CEP290: variants seen among roughly 807,000 people sequenced by gnomAD.
CEP290 encodes the protein centrosomal protein 290.
Under a neutral mutation model 344.9 loss-of-function variants are expected in CEP290, and 317 were observed. The ratio of observed to expected loss-of-function variants is 0.92; its 90% confidence interval spans 0.84 to 1.01. The LOEUF is 1.01. Ranked by LOEUF, CEP290 falls within the 50% of genes least tolerant of loss-of-function variation. CEP290 has a pLI of 0.00. For missense variants in CEP290, 2,754 were observed against 2,761.4 expected (o/e 1.00, Z 0.06); for synonymous variants, 932 against 895.8 (o/e 1.04, Z -0.72).
At position 88,071,946 on chromosome 12, in the gene CEP290, G is replaced by A. The variant is rs2035410391; in HGVS notation, c.5710-20C>T. 2 of 1,542,350 alleles carry A rather than the reference G, an allele frequency of 1.3e-6. No individual in the cohort carries two copies. The highest frequency in any genetic ancestry group is 1.3e-5 in the South Asian group (1 of 77,684). ...AGCATTCTGTAACAATAACGAAGGA[G>A]GTAGGAAAATTACCAGTGTTATTTT... On this transcript the variant is annotated intron_variant, in intron 41 of 53. Coordinates refer to ENST00000552810, the MANE Select transcript of CEP290 (RefSeq NM_025114.4).
At position 88,049,192 on chromosome 12, in the gene CEP290, T is replaced by G. The variant is rs564319952; in HGVS notation, c.7432A>C (p.Ile2478Leu). The change falls in exon 54 of 54, where the codon ATT (isoleucine) becomes CTT (leucine). Residue 2478 changes from isoleucine to leucine, a missense_variant. Coordinates refer to ENST00000552810, the MANE Select transcript of CEP290 (RefSeq NM_025114.4). ...AAGTTTATAGGTGACCTTTAGTAAA[T>G]GGGGAAATTAACAGGACTTTCTTCT... Reference protein sequence around the residue: ...DEEESPVNFPIY With the variant: ...DEEESPVNFPLY 3.8e-6 allele frequency: 6 copies of G among 1,583,454 alleles called. No homozygotes were observed. The African/African-American group carries it at 8.1e-5, about 22-fold the overall frequency.
rs756421436 is a variant in CEP290 at position 88,115,558 on chromosome 12, CTA to C, written c.1825-378_1825-377del. On this transcript the variant is annotated intron_variant, in intron 18 of 53. Transcript: ENST00000552810. ...GCTTCTTTGATCAAGAATTCCTGTGCTATGATTTCATTCTAAAGAAAAATTTA... is the reference window on the plus strand; with the variant it reads ...GCTTCTTTGATCAAGAATTCCTGTGCTGATTTCATTCTAAAGAAAAATTTA... 8 of 1,290,220 alleles carry C rather than the reference CTA, an allele frequency of 6.2e-6. No homozygotes were observed. In the South Asian group the frequency reaches 9.9e-5, roughly 16 times the overall value. The allele number at this position is 1,290,220 out of a possible 1,614,324, so 79.9% of individuals were successfully genotyped here. A position where few individuals can be genotyped will look rare whatever the true frequency, so the allele number is the denominator to read the frequency against.
At chr12:88,103,210 C>A (rs2038030602) in intron 25 of CEP290, 199 bp from the exon 26 acceptor site, 1 of 343,776 alleles carries the variant, frequency 2.9e-6, no homozygotes, top group Non-Finnish European at 5.2e-6. Context: ...AAATCTTAAT[C>A]ATAATAAAAA....
intron 6 of CEP290, among the ~76,000 whole-genome samples, chr12:88,132,142 A>G (rs1404702974): frequency 6.6e-6 from 1 of 152,212 alleles, no homozygotes; most frequent in African/African-American, 2.4e-5. Flanking sequence ...TCTCTTATCT[A>G]CATATAAGTG....
intron 17 of CEP290, 104 bp from the exon 18 acceptor site, chr12:88,117,249 G>A (rs912078028): frequency 5.1e-6 from 3 of 593,624 alleles, no homozygotes; most frequent in Non-Finnish European, 8.6e-6. Flanking sequence ...TGCAAAGGTA[G>A]AATAATTGTT....
chr12:88,091,885 C>G (rs1253981390), intron 29 of CEP290, among the ~76,000 whole-genome samples: 2 of 152,056 alleles, frequency 1.3e-5, no homozygotes, highest in East Asian at 3.9e-4. Context: ...CAGCATATAG[C>G]TGGCACACGG....
chr12:88,071,675 T>TA, intron 42 of CEP290, 106 bp downstream of exon 42: 1 of 967,850 alleles, frequency 1.0e-6, no homozygotes, highest in Non-Finnish European at 1.5e-6. Context: ...AATGATCATT[T>TA]AAACTAGACC....
chr12:88,068,675 A>C, intron 43 of CEP290, 30 bp from the exon 44 acceptor site: 2 of 1,552,992 alleles, frequency 1.3e-6, no homozygotes, highest in Middle Eastern at 1.7e-4. Flanking sequence ...ACTCTTTACT[A>C]TTCACATTTC....
At chr12:88,064,558 G>T (rs1350638129) in intron 44 of CEP290, among the ~76,000 whole-genome samples, 2 of 152,064 alleles carry the variant, frequency 1.3e-5, no homozygotes, top group Non-Finnish European at 1.5e-5. Flanking sequence ...CTTTACAGAG[G>T]TATTCAAGTT....
chr12:88,124,076 C>G (rs904758516), intron 13 of CEP290, among the ~76,000 whole-genome samples: 2 of 152,116 alleles, frequency 1.3e-5, no homozygotes, highest in Non-Finnish European at 2.9e-5. Flanking sequence ...TCTAACAGGT[C>G]TCCCTGATTC....
At chr12:88,109,235 C>T (rs564630657) in intron 22 of CEP290, 54 bp from the exon 23 acceptor site, 181 of 630,022 alleles carry the variant, frequency 2.9e-4, no homozygotes, top group African/African-American at 2.5e-3. Flanking sequence ...AGAATAAATG[C>T]TGAATTTGAA....
chr12:88,106,509 T>A (rs1373155322), intron 25 of CEP290, among the ~76,000 whole-genome samples, 166 bp downstream of exon 25: 1 of 152,148 alleles, frequency 6.6e-6, no homozygotes, highest in Non-Finnish European at 1.5e-5. Flanking sequence ...AGGGGAGGAA[T>A]GTCTGCAATT....
intron 49 of CEP290, among the ~76,000 whole-genome samples, chr12:88,057,135 A>G (rs1458378768): frequency 1.3e-5 from 2 of 152,124 alleles, no homozygotes; most frequent in Non-Finnish European, 2.9e-5. Context: ...CCATTTATAA[A>G]CCTTATAAAC....
chr12:88,064,042 G>T lies in CEP290; in HGVS notation c.6209C>A (p.Ser2070Tyr), dbSNP rs1189095461. Reference sequence around the variant, plus strand: ...CTGAAATTTCAGTTCAATATTTTCAGATGACAACTTCAAGTTTTCCTTCTG... The same window carrying T: ...CTGAAATTTCAGTTCAATATTTTCATATGACAACTTCAAGTTTTCCTTCTG... ...ELQKENLKLS[S>Y]ENIELKFQLE... The change falls in exon 45 of 54, where the codon TCT (serine) becomes TAT (tyrosine). Residue 2070 changes from serine to tyrosine, a missense_variant. Physicochemically the swap from Ser to Tyr is moderately radical, Grantham distance 144. Transcript: ENST00000552810. 3 of 1,595,382 alleles carry T rather than the reference G, an allele frequency of 1.9e-6. No homozygotes were observed. The highest frequency in any genetic ancestry group is 1.7e-6 in the Non-Finnish European group (2 of 1,169,372).
Position 88,117,165 on chromosome 12 carries a change from C to A in CEP290, c.1712-20G>T, listed in dbSNP as rs1017064259. 11 of 1,230,156 alleles carry A rather than the reference C, an allele frequency of 8.9e-6. No individual in the cohort carries two copies. The highest frequency in any genetic ancestry group is 1.1e-5 in the Non-Finnish European group (10 of 877,516). 76.2% of individuals were successfully genotyped at this position (1,230,156 alleles called of 1,614,324 possible). On this transcript the variant is annotated intron_variant, in intron 17 of 53. Coordinates refer to ENST00000552810, the MANE Select transcript of CEP290 (RefSeq NM_025114.4). ...TTAATCCTATATATAAGAGAATTAA[C>A]AAACTAAAAACATTAAAATAACCCT...
intron 51 of CEP290, among the ~76,000 whole-genome samples, chr12:88,053,980 G>A (rs777745080): frequency 3.9e-5 from 6 of 152,072 alleles, no homozygotes; most frequent in Admixed American, 2.0e-4. Context: ...GTGTGGTTTC[G>A]TTATAAGAGG....
Position 88,078,098 on chromosome 12 carries a change from T to C in CEP290, c.5365-180A>G, listed in dbSNP as rs553001531. ...TTTCCATATTCATGTCAAGTCTACC[T>C]TGAGGAAAAAAGTCGACTTTGAGAA... On this transcript the variant is annotated intron_variant, in intron 39 of 53. Coordinates refer to ENST00000552810, the MANE Select transcript of CEP290 (RefSeq NM_025114.4). Among the ~76,000 whole-genome samples the C allele has an allele frequency of 8.0e-5, 12 of 150,872 alleles. 1 individual carries two copies. Among genetic ancestry groups the C allele is most frequent in the Non-Finnish European group, 1.6e-4 (11 of 67,626 alleles).
rs1202005069 is a variant in CEP290, at chr12:88,107,611, C to CA, written c.2484-514dup. 6.9e-3 allele frequency among the ~76,000 whole-genome samples: 829 copies of CA among 119,902 alleles called. 5 individuals are homozygous for CA. The highest frequency in any genetic ancestry group is 0.027 in the East Asian group (119 of 4,412). The allele number at this position is 119,902 out of a possible 152,430, so 78.7% of individuals were successfully genotyped here. A position where few individuals can be genotyped will look rare whatever the true frequency, so the allele number is the denominator to read the frequency against. On this transcript the variant is annotated intron_variant, in intron 23 of 53. Coordinates refer to ENST00000552810, the MANE Select transcript of CEP290 (RefSeq NM_025114.4). ...GAGTAAATTTTAAGTGTTCTTAGTG[C>CA]AAAAAAAAAAAAAAATAAGAAGAAG...
intron 3 of CEP290, 43 bp downstream of exon 3, chr12:88,140,913 C>A: frequency 7.6e-7 from 1 of 1,314,782 alleles, no homozygotes; most frequent in South Asian, 1.4e-5. Flanking sequence ...TTTATAGTTC[C>A]ACTAATAGCC....
Sources: gnomAD v4.1 joint callset for allele counts (sites outside exome capture counted in the v4.1 genomes callset) on GRCh38, gnomAD v4.1.1 for gene constraint, MANE v1.5 for transcripts, NCBI Gene and HGNC (gene_info 2026-07-23, HGNC 2026-07-21) for gene names.